The following PDZRN4 variants were observed in gnomAD, a reference collection of about 807,000 sequenced individuals.
The protein encoded by PDZRN4 is PDZ domain-containing RING finger protein 4.
Under a neutral mutation model 99.0 loss-of-function variants are expected in PDZRN4, and 70 were observed. The ratio of observed to expected loss-of-function variants is 0.71; its 90% CI spans 0.58 to 0.86. The LOEUF (loss-of-function observed/expected upper bound fraction) is 0.86, where lower values mean the gene tolerates loss of function less well. Among genes scored for constraint, PDZRN4 ranks in the 40% least tolerant of loss-of-function variants. PDZRN4 has a pLI of 0.00. For missense variants in PDZRN4, 1,474 were observed against 1,331.2 expected (o/e 1.11, Z -1.67); for synonymous variants, 551 against 501.6 (o/e 1.10, Z -1.32).
At position 41,555,711 on chromosome 12, in the gene PDZRN4, G is replaced by A. The variant is rs758274675; in HGVS notation, c.1316G>A (p.Ser439Asn). 1.2e-6 allele frequency: 2 copies of A among 1,613,846 alleles called. No homozygotes were observed. The highest frequency in any genetic ancestry group is 1.3e-5 in the African/African-American group (1 of 74,892). ...TCTTCATTACAGGTTGACCCAAATAGCATTGCTGCCAAAGACGGCCGGATT... is the reference window on the plus strand; with the variant it reads ...TCTTCATTACAGGTTGACCCAAATAACATTGCTGCCAAAGACGGCCGGATT... Reference protein sequence around the residue: ...GIYVSEVDPNSIAAKDGRIRE... With the variant: ...GIYVSEVDPNNIAAKDGRIRE... The change falls in exon 7 of 10, where the codon AGC becomes AAC. Residue 439 changes from serine (S) to asparagine (N), a missense_variant. Ser to Asn is a conservative substitution (Grantham distance 46). Coordinates refer to ENST00000402685, the MANE Select transcript of PDZRN4 (RefSeq NM_001164595.2).
chr12:41,468,668 A>G (rs1262084478), intron 3 of PDZRN4, among the ~76,000 whole-genome samples: 1 of 152,086 alleles, frequency 6.6e-6, no homozygotes, highest in Non-Finnish European at 1.5e-5. Flanking sequence ...TAATTTTTTT[A>G]ACTTTATGGG....
At chr12:41,492,792 A>AAGGGAT (rs1355649112) in intron 3 of PDZRN4, among the ~76,000 whole-genome samples, 3 of 152,126 alleles carry the variant, frequency 2.0e-5, no homozygotes, top group Non-Finnish European at 2.9e-5. Context: ...AGCTATTTGT[A>AAGGGAT]AGCTGCCACT....
At chr12:41,488,057 C>A (rs1479148884) in intron 3 of PDZRN4, among the ~76,000 whole-genome samples, 2 of 152,130 alleles carry the variant, frequency 1.3e-5, no homozygotes, top group African/African-American at 4.8e-5. Flanking sequence ...GTCAGGAGCA[C>A]CAAATAGTCA....
intron 3 of PDZRN4, among the ~76,000 whole-genome samples, chr12:41,307,899 T>C (rs1951582619): frequency 6.6e-6 from 1 of 152,112 alleles, no homozygotes; most frequent in Non-Finnish European, 1.5e-5. Flanking sequence ...TGCTGTTATA[T>C]TGCCCACTTT....
chr12:41,388,682 G>A (rs774256946), intron 3 of PDZRN4, among the ~76,000 whole-genome samples: 1 of 152,158 alleles, frequency 6.6e-6, no homozygotes, highest in Non-Finnish European at 1.5e-5. Context: ...TTCAGAAACA[G>A]CATAATTTGG....
At chr12:41,514,187 T>G (rs1459529279) in intron 5 of PDZRN4, among the ~76,000 whole-genome samples, 2 of 152,018 alleles carry the variant, frequency 1.3e-5, no homozygotes, top group East Asian at 3.9e-4. Flanking sequence ...AAAACCAAAC[T>G]TGGACCAGTG....
At chr12:41,315,117 T>C (rs926463244) in intron 3 of PDZRN4, among the ~76,000 whole-genome samples, 11 of 152,138 alleles carry the variant, frequency 7.2e-5, no homozygotes, top group African/African-American at 2.7e-4. Context: ...CACTCAGTTA[T>C]ATTATCCATA....
chr12:41,193,453 T>C (rs1442112379), intron 2 of PDZRN4, among the ~76,000 whole-genome samples: 1 of 152,178 alleles, frequency 6.6e-6, no homozygotes, highest in Non-Finnish European at 1.5e-5. Flanking sequence ...TTGGCTATGT[T>C]TGAGGTTTAA....
At chr12:41,252,062 G>A (rs1290179563) in intron 3 of PDZRN4, among the ~76,000 whole-genome samples, 1 of 152,090 alleles carries the variant, frequency 6.6e-6, no homozygotes, top group Non-Finnish European at 1.5e-5. Context: ...GATGCAGTAA[G>A]CCATCATCAA....
intron 5 of PDZRN4, among the ~76,000 whole-genome samples, chr12:41,549,753 G>A (rs965706744): frequency 1.3e-5 from 2 of 152,158 alleles, no homozygotes; most frequent in Non-Finnish European, 2.9e-5. Context: ...TCAATTATTT[G>A]TATGTCTCAA....
intron 3 of PDZRN4, among the ~76,000 whole-genome samples, chr12:41,208,568 C>T (rs1950865963): frequency 6.6e-6 from 1 of 151,900 alleles, no homozygotes; most frequent in Non-Finnish European, 1.5e-5. Context: ...CAACCTAATG[C>T]ATTTGCTTAT....
intron 3 of PDZRN4, among the ~76,000 whole-genome samples, chr12:41,300,451 A>G (rs1262620326): frequency 6.6e-6 from 1 of 152,026 alleles, no homozygotes; most frequent in Non-Finnish European, 1.5e-5. Context: ...ATATATATGT[A>G]TAACATTTTT....
intron 3 of PDZRN4, among the ~76,000 whole-genome samples, chr12:41,457,018 A>G (rs1952821784): frequency 1.3e-5 from 2 of 152,202 alleles, no homozygotes; most frequent in Admixed American, 1.3e-4. Flanking sequence ...TGTTTCCCTT[A>G]AATACAGATG....
chr12:41,240,722 T>C (rs1011498863), intron 3 of PDZRN4, among the ~76,000 whole-genome samples: 1 of 152,200 alleles, frequency 6.6e-6, no homozygotes, highest in African/African-American at 2.4e-5. Context: ...AGACAGGGCC[T>C]TCGTGTTGTG....
chr12:41,335,494 G>T (rs1951766670), intron 3 of PDZRN4, among the ~76,000 whole-genome samples: 1 of 151,916 alleles, frequency 6.6e-6, no homozygotes, highest in Non-Finnish European at 1.5e-5. Flanking sequence ...GTTAATTATT[G>T]AGTTTTTGAA....
At chr12:41,215,324 T>C (rs983098470) in intron 3 of PDZRN4, among the ~76,000 whole-genome samples, 1 of 152,048 alleles carries the variant, frequency 6.6e-6, no homozygotes, top group Admixed American at 6.6e-5. Context: ...GAAATTATAA[T>C]GTCACATTCT....
At chr12:41,262,407 G>C (rs568877134) in intron 3 of PDZRN4, among the ~76,000 whole-genome samples, 3 of 152,282 alleles carry the variant, frequency 2.0e-5, no homozygotes, top group South Asian at 4.1e-4. Flanking sequence ...AATGCCCGTG[G>C]CCTGAGTATG....
chr12:41,391,067 C>G (rs1173347927), intron 3 of PDZRN4, among the ~76,000 whole-genome samples: 1 of 152,108 alleles, frequency 6.6e-6, no homozygotes, highest in Non-Finnish European at 1.5e-5. Context: ...CAGAAAGTCC[C>G]AAGACTTGGT....
chr12:41,213,785 A>G (rs1230822428), intron 3 of PDZRN4, among the ~76,000 whole-genome samples: 2 of 152,042 alleles, frequency 1.3e-5, no homozygotes, highest in African/African-American at 2.4e-5. Flanking sequence ...TAGTTGATCT[A>G]AGAAAATAGC....
Sources: gnomAD v4.1 joint callset for allele counts (sites outside exome capture counted in the v4.1 genomes callset) on GRCh38, gnomAD v4.1.1 for gene constraint, MANE v1.5 for transcripts, NCBI Gene and HGNC (gene_info 2026-07-23, HGNC 2026-07-21) for gene names.